CRX: variants seen among roughly 807,000 people sequenced by gnomAD.
CRX encodes the protein cone-rod homeobox.
CRX carries 5 observed loss-of-function variants against 13.1 expected under a neutral mutation model. That is an observed-to-expected ratio of 0.38 (90% CI 0.20 to 0.80). The LOEUF is 0.80. CRX is among the 30% of genes least tolerant of loss of function. The pLI, the probability that CRX is intolerant of heterozygous loss-of-function variation, is 0.43. For synonymous variants in CRX, 179 were observed against 171.1 expected, an observed-to-expected ratio of 1.05 and a Z score of -0.36; for missense variants, 351 against 391.8, an observed-to-expected ratio of 0.90 and a Z score of 0.88.
chr19:47,834,464 G>A lies in CRX; in HGVS notation c.21G>A (p.Pro7=), dbSNP rs772745666. 1.1e-5 allele frequency: 17 copies of A among 1,613,948 alleles called. No homozygotes were observed. The highest frequency in any genetic ancestry group is 5.5e-5 in the South Asian group (5 of 91,080). Residue 7 remains proline, a synonymous_variant, in exon 2 of 4, where the codon CCG becomes CCA. Transcript: ENST00000221996. ...AGATCATGATGGCGTATATGAACCC[G>A]GGGCCCCACTATTCTGTCAACGCCT... MMAYMN[P]GPHYSVNALA...
intron 2 of CRX, among the ~76,000 whole-genome samples, chr19:47,835,226 TA>T (rs1410438806): frequency 9.8e-5 from 11 of 112,464 alleles, no homozygotes; most frequent in South Asian, 2.8e-4. Context: ...AAATTATTAT[TA>T]TTTTTTTTTT....
intron 1 of CRX, among the ~76,000 whole-genome samples, chr19:47,834,003 T>C (rs933942985): frequency 6.6e-6 from 1 of 151,540 alleles, no homozygotes; most frequent in Admixed American, 6.6e-5. Flanking sequence ...AACACTTTTT[T>C]TTTTTTTTTA....
Position 47,839,312 on chromosome 19 carries a change from T to G in CRX, c.253-8T>G, listed in dbSNP as rs1400720675. On this transcript the variant is annotated splice_region_variant and splice_polypyrimidine_tract_variant and intron_variant, in intron 3 of 3. Transcript: ENST00000221996. The surrounding 1 kb of genome is among the most constrained non-coding windows in gnomAD (Gnocchi z 4.6). ...TTACCCACCCCCATCTCCGCTCTTA[T>G]CCCCCAGGTTTGGTTCAAGAACCGG... The G allele has an allele frequency of 6.2e-7, 1 of 1,612,584 alleles. No homozygotes were observed. Among genetic ancestry groups the G allele is most frequent in the East Asian group, 2.2e-5 (1 of 44,834 alleles).
At chr19:47,827,537 C>CTTTTTTTT (rs71180887) in intron 1 of CRX, among the ~76,000 whole-genome samples, 31 of 90,354 alleles carry the variant, frequency 3.4e-4, no homozygotes, top group Non-Finnish European at 4.8e-4. Context: ...TTTCTGAAGG[C>CTTTTTTTT]TTTTTTTTTT....
chr19:47,823,351 CCA>C (rs972433887), intron 1 of CRX, among the ~76,000 whole-genome samples: 6 of 152,160 alleles, frequency 3.9e-5, no homozygotes, highest in Admixed American at 2.0e-4. Flanking sequence ...GCTGTGATTG[CCA>C]CAGAGTGAGG....
chr19:47,824,183 G>C (rs1030447985), intron 1 of CRX, among the ~76,000 whole-genome samples: 1 of 152,136 alleles, frequency 6.6e-6, no homozygotes, highest in Admixed American at 6.5e-5. Context: ...AGCGGGGCTC[G>C]GGGGCCAAAG....
In CRX at chr19:47,840,158, G is replaced by T; in HGVS notation, c.*191G>T. On this transcript the variant is annotated 3_prime_UTR_variant, in exon 4 of 4. Transcript: ENST00000221996. ...ACAGGGAGAGGCTCCTCCCTCTCCT[G>T]GGACAGCTCACAGGTCCTAGTGATT... 1.6e-6 allele frequency: 1 copy of T among 638,046 alleles called. No homozygotes were observed. Among genetic ancestry groups the T allele is most frequent in the East Asian group, 2.8e-5 (1 of 35,986 alleles). 39.5% of individuals were successfully genotyped at this position (638,046 alleles called of 1,614,324 possible).
chr19:47,836,282 C>A lies in CRX; in HGVS notation c.140C>A (p.Thr47Asn). ...CAGCGGCGGGAGCGCACCACCTTCA[C>A]CCGGAGCCAACTGGAGGAGCTGGAG... ...RKQRRERTTF[T>N]RSQLEELEAL... is the part of the protein sequence containing the mutation. The change falls in exon 3 of 4, where the codon ACC becomes AAC. Residue 47 changes from threonine (T) to asparagine (N), a missense_variant. Around this residue, in one of 3 missense-constraint regions of CRX, gnomAD observed 95 missense variants for 106.7 expected, o/e 0.89. Transcript: ENST00000221996. The A allele has an allele frequency of 6.2e-7, 1 of 1,614,198 alleles. No homozygotes were observed. Among genetic ancestry groups the A allele is most frequent in the Non-Finnish European group, 8.5e-7 (1 of 1,180,030 alleles).
intron 1 of CRX, among the ~76,000 whole-genome samples, chr19:47,823,906 TC>T (rs1665602205): frequency 2.6e-5 from 4 of 152,292 alleles, no homozygotes; most frequent in Middle Eastern, 3.4e-3. Flanking sequence ...TGCCTCGGCC[TC>T]CCAAAGTGCT....
At chr19:47,825,104 C>A (rs1390200391) in intron 1 of CRX, among the ~76,000 whole-genome samples, 1 of 144,674 alleles carries the variant, frequency 6.9e-6, no homozygotes, top group African/African-American at 2.6e-5. Context: ...GATTTTTGTA[C>A]CTCAGCCTCC....
At position 47,839,896 on chromosome 19, in the gene CRX, A is replaced by C; in HGVS notation, c.829A>C (p.Lys277Gln). ...ATTCAAGGACCCCACGGGCACCTGG[A>C]AATTCACCTACAATCCCATGGACCC... ...LEFKDPTGTW[K>Q]FTYNPMDPLD... Residue 277 changes from lysine to glutamine, a missense_variant, in exon 4 of 4, where the codon AAA (lysine) becomes CAA (glutamine). Transcript: ENST00000221996. This position sits in a 1 kb window ranked among gnomAD's most constrained non-coding sequence, Gnocchi z 4.6. The C allele has an allele frequency of 6.2e-7, 1 of 1,614,094 alleles. No individual in the cohort carries two copies. The highest frequency in any genetic ancestry group is 8.5e-7 in the Non-Finnish European group (1 of 1,180,030).
In CRX at chr19:47,834,467, G is replaced by A; in HGVS notation, c.24G>A (p.Gly8=). ...TCATGATGGCGTATATGAACCCGGG[G>A]CCCCACTATTCTGTCAACGCCTTGG... MMAYMNP[G]PHYSVNALAL... The change falls in exon 2 of 4, where the codon GGG becomes GGA. Residue 8 remains glycine, a synonymous_variant. Coordinates refer to ENST00000221996, the MANE Select transcript of CRX (RefSeq NM_000554.6). 6.2e-7 allele frequency: 1 copy of A among 1,614,140 alleles called. No homozygotes were observed. Among genetic ancestry groups the A allele is most frequent in the Non-Finnish European group, 8.5e-7 (1 of 1,180,032 alleles).
intron 1 of CRX, among the ~76,000 whole-genome samples, chr19:47,826,468 GT>G (rs1555800978): frequency 2.0e-5 from 3 of 152,114 alleles, no homozygotes; most frequent in Non-Finnish European, 2.9e-5. Context: ...TTAGCTAGGC[GT>G]TGTGGCACAC....
At chr19:47,835,760 TACAGGCATGCACC>T (rs1968110476) in intron 2 of CRX, among the ~76,000 whole-genome samples, 1 of 151,692 alleles carries the variant, frequency 6.6e-6, no homozygotes, top group Non-Finnish European at 1.5e-5. Flanking sequence ...TAGCTGGGAC[TACAGGCATGCACC>T]ACCACACCTG....
intron 3 of CRX, among the ~76,000 whole-genome samples, chr19:47,838,639 A>T (rs567357307): frequency 6.6e-6 from 1 of 152,268 alleles, no homozygotes; most frequent in East Asian, 1.9e-4. Flanking sequence ...TGATGTATGT[A>T]TGTATGATCA....
At position 47,839,552 on chromosome 19, in the gene CRX, T is replaced by A. The variant is rs745628043; in HGVS notation, c.485T>A (p.Ile162Asn). Residue 162 changes from isoleucine to asparagine, a missense_variant, in exon 4 of 4, where the codon ATC becomes AAC. Physicochemically the swap from Ile to Asn is moderately radical, Grantham distance 149 (BLOSUM62 -3). Coordinates refer to ENST00000221996, the MANE Select transcript of CRX (RefSeq NM_000554.6). The surrounding 1 kb of genome is among the most constrained non-coding windows in gnomAD (Gnocchi z 4.6). ...ACCACGGCAGTGGCCACTGTGTCCA[T>A]CTGGAGCCCAGCCTCAGAGTCCCCT... ...SPTTAVATVS[I>N]WSPASESPLP... 1 of 1,613,052 alleles carries A rather than the reference T, an allele frequency of 6.2e-7. No individual in the cohort carries two copies. The highest frequency in any genetic ancestry group is 1.1e-5 in the South Asian group (1 of 91,032).
chr19:47,830,887 C>G (rs1028888315), intron 1 of CRX, among the ~76,000 whole-genome samples: 1 of 151,730 alleles, frequency 6.6e-6, no homozygotes, highest in African/African-American at 2.4e-5. Flanking sequence ...AGATACAAAA[C>G]TGGTTAAAGA....
In CRX at chr19:47,835,445, C is replaced by T. The variant is rs147714593; in HGVS notation, c.101-798C>T. The stretch of plus-strand genomic sequence containing the variant: ...TCCTGCCCAGGCTGGAGTGCAATGG[C>T]GCGATCTTGGCTCTTTGCAACTTTT... On this transcript the variant is annotated intron_variant, in intron 2 of 3. Coordinates refer to ENST00000221996, the MANE Select transcript of CRX (RefSeq NM_000554.6). Among the ~76,000 whole-genome samples, 421 of 151,218 alleles carry T rather than the reference C, an allele frequency of 2.8e-3. 3 individuals are homozygous for T. The highest frequency in any genetic ancestry group is 9.8e-3 in the African/African-American group (405 of 41,212).
Position 47,840,108 on chromosome 19 carries a change from C to A in CRX, c.*141C>A. 2.2e-6 allele frequency: 2 copies of A among 925,256 alleles called. No homozygotes were observed. Among genetic ancestry groups the A allele is most frequent in the South Asian group, 3.0e-5 (2 of 67,700 alleles). 57.3% of individuals were successfully genotyped at this position (925,256 alleles called of 1,614,324 possible). On this transcript the variant is annotated 3_prime_UTR_variant, in exon 4 of 4. Transcript: ENST00000221996. ...GTCCTTCTGACAGCTCGGTGTTCAGCTTACAGAGACCACCCCTTTCCTCCA... is the reference window on the plus strand; with the variant it reads ...GTCCTTCTGACAGCTCGGTGTTCAGATTACAGAGACCACCCCTTTCCTCCA...
Sources: gnomAD v4.1 joint callset for allele counts (sites outside exome capture counted in the v4.1 genomes callset) on GRCh38, gnomAD v4.1.1 for gene constraint, gnomAD v4.1.1 regional missense constraint, Gnocchi (gnomAD v3.1) non-coding constraint, MANE v1.5 for transcripts, NCBI Gene and HGNC (gene_info 2026-07-23, HGNC 2026-07-21) for gene names.